The following ANOS1 variants were observed in gnomAD, a reference collection of about 807,000 sequenced individuals.
ANOS1 encodes the protein anosmin 1.
ANOS1 carries 6 observed loss-of-function variants against 59.0 expected under a neutral mutation model. The observed-to-expected ratio is 0.10, with a 90% CI of 0.06 to 0.20. The LOEUF is 0.20. Among genes scored for constraint, ANOS1 ranks in the 10% least tolerant of loss-of-function variants. The pLI, the probability that ANOS1 is intolerant of heterozygous loss-of-function variation, is 1.00. For missense variants in ANOS1, 433 were observed against 542.3 expected (o/e 0.80, Z 2.00); for synonymous variants, 217 against 223.4 (o/e 0.97, Z 0.25).
At chrX:8,716,505 GTT>G (rs1312168760) in intron 1 of ANOS1, among the ~76,000 whole-genome samples, 5 of 112,197 alleles carry the variant, frequency 4.5e-5, no homozygotes, top group Admixed American at 9.4e-5. Flanking sequence ...CACAGCATCA[GTT>G]TTGATTCCAG....
chrX:8,731,964 C>G lies in ANOS1; in HGVS notation c.73G>C (p.Ala25Pro), dbSNP rs1932984858. 9.0e-7 allele frequency: 1 copy of G among 1,108,716 alleles called. No homozygotes were observed. Among genetic ancestry groups the G allele is most frequent in the Admixed American group, 3.4e-5 (1 of 29,806 alleles). 91.4% of individuals were successfully genotyped at this position (1,108,716 alleles called of 1,213,427 possible). A position where few individuals can be genotyped will look rare whatever the true frequency, so the allele number is the denominator to read the frequency against. The change falls in exon 1 of 14, where the codon GCC becomes CCC. Residue 25 changes from alanine to proline, a missense_variant. Coordinates refer to ENST00000262648, the MANE Select transcript of ANOS1 (RefSeq NM_000216.4). ...WLAASSGCLA[A>P]GPGAAAARRL... Reference sequence around the variant, plus strand: ...CGCGCAGCAGCCGCGCCGGGGCCGGCCGCCAGGCAGCCGCTGGAGGCCGCC... The same window carrying G: ...CGCGCAGCAGCCGCGCCGGGGCCGGGCGCCAGGCAGCCGCTGGAGGCCGCC...
At chrX:8,709,982 G>A (rs771689412) in intron 1 of ANOS1, among the ~76,000 whole-genome samples, 17 of 111,010 alleles carry the variant, frequency 1.5e-4, no homozygotes, top group African/African-American at 4.9e-4. Flanking sequence ...CCAGGCTGGA[G>A]TGCAGCAGTG....
chrX:8,587,708 A>T, intron 5 of ANOS1, 86 bp downstream of exon 5: 1 of 674,957 alleles, frequency 1.5e-6, no homozygotes, highest in Non-Finnish European at 2.3e-6. Flanking sequence ...AGCTATTTTG[A>T]GGCATAGCAA....
At chrX:8,655,321 C>T (rs763351921) in intron 2 of ANOS1, among the ~76,000 whole-genome samples, 1 of 111,347 alleles carries the variant, frequency 9.0e-6, no homozygotes, top group Admixed American at 9.6e-5. Flanking sequence ...GTGCAGTTCA[C>T]AACAGGGTTT....
intron 2 of ANOS1, among the ~76,000 whole-genome samples, chrX:8,652,898 C>T (rs1931872015): frequency 9.1e-6 from 1 of 110,488 alleles, no homozygotes; most frequent in Admixed American, 9.7e-5. Flanking sequence ...CTCTGTCACC[C>T]AGGTTGTAGA....
At chrX:8,577,184 C>G (rs916241911) in intron 6 of ANOS1, among the ~76,000 whole-genome samples, 1 of 112,027 alleles carries the variant, frequency 8.9e-6, no homozygotes. Context: ...CTGTTTATCC[C>G]TAATTTTACA....
chrX:8,627,032 G>T (rs1931408240), intron 2 of ANOS1, among the ~76,000 whole-genome samples: 1 of 111,588 alleles, frequency 9.0e-6, no homozygotes, highest in Admixed American at 9.5e-5. Context: ...TTATTTAAAA[G>T]TATGCTAAGA....
At chrX:8,663,121 T>C (rs1428177672) in intron 2 of ANOS1, among the ~76,000 whole-genome samples, 1 of 111,963 alleles carries the variant, frequency 8.9e-6, no homozygotes, top group African/African-American at 3.2e-5. Flanking sequence ...CCCTCCCTCA[T>C]AGCCCTCTCA....
intron 2 of ANOS1, among the ~76,000 whole-genome samples, chrX:8,644,753 T>G (rs1931724635): frequency 8.9e-6 from 1 of 112,363 alleles, no homozygotes; most frequent in African/African-American, 3.2e-5. Flanking sequence ...AAGCATTTCT[T>G]TCTGCTGACT....
chrX:8,668,141 G>A (rs368820116), intron 2 of ANOS1, among the ~76,000 whole-genome samples: 8 of 107,827 alleles, frequency 7.4e-5, no homozygotes, highest in African/African-American at 2.7e-4. Context: ...CACCCGAGCA[G>A]TATACACTGA....
intron 1 of ANOS1, among the ~76,000 whole-genome samples, chrX:8,724,248 T>C (rs1932895320): frequency 8.9e-6 from 1 of 112,038 alleles, no homozygotes; most frequent in Non-Finnish European, 1.9e-5. Context: ...ACAAAAGTGT[T>C]GAATGGAACC....
At chrX:8,613,784 G>C (rs1029715616) in intron 3 of ANOS1, among the ~76,000 whole-genome samples, 9 of 111,847 alleles carry the variant, frequency 8.0e-5, no homozygotes, top group Non-Finnish European at 1.5e-4. Context: ...GGGACCACAG[G>C]CATGTGCCAC....
intron 2 of ANOS1, among the ~76,000 whole-genome samples, chrX:8,624,311 C>A (rs1216694964): frequency 1.8e-5 from 2 of 111,607 alleles, no homozygotes; most frequent in Admixed American, 9.6e-5. Flanking sequence ...CCACTGCGCC[C>A]AGCCAAGAAA....
chrX:8,587,989 A>T lies in ANOS1; in HGVS notation c.542-11T>A. On this transcript the variant is annotated splice_polypyrimidine_tract_variant and intron_variant, in intron 4 of 13. Transcript: ENST00000262648. The stretch of plus-strand genomic sequence containing the variant: ...GCTTCAGGGGGACACCTGAAACAGG[A>T]CCGTATCAATTAAAACAATCTGCGT... 8.4e-7 allele frequency: 1 copy of T among 1,196,812 alleles called. No individual in the cohort carries two copies. The highest frequency in any genetic ancestry group is 1.1e-6 in the Non-Finnish European group (1 of 883,303).
chrX:8,617,457 T>A (rs2146841794), intron 3 of ANOS1, among the ~76,000 whole-genome samples: 1 of 111,829 alleles, frequency 8.9e-6, no homozygotes, highest in East Asian at 2.8e-4. Flanking sequence ...AGGAGCCCTG[T>A]CTTCCTTCTC....
intron 3 of ANOS1, among the ~76,000 whole-genome samples, chrX:8,603,970 C>T (rs924673845): frequency 9.0e-6 from 1 of 111,667 alleles, no homozygotes; most frequent in Middle Eastern, 4.2e-3. Flanking sequence ...AGTTGGTCAC[C>T]AAGAGATGCT....
At chrX:8,624,695 G>T (rs1931361869) in intron 2 of ANOS1, among the ~76,000 whole-genome samples, 1 of 111,028 alleles carries the variant, frequency 9.0e-6, no homozygotes, top group South Asian at 3.7e-4. Context: ...CATTGTTCAA[G>T]AACGTTTGTA....
At chrX:8,595,663 T>C (rs1270457945) in intron 4 of ANOS1, among the ~76,000 whole-genome samples, 1 of 111,723 alleles carries the variant, frequency 9.0e-6, no homozygotes, top group Non-Finnish European at 1.9e-5. Context: ...AGAAATAATA[T>C]GGATTTGGCA....
At chrX:8,657,443 T>C (rs1182214294) in intron 2 of ANOS1, among the ~76,000 whole-genome samples, 1 of 108,717 alleles carries the variant, frequency 9.2e-6, no homozygotes, top group African/African-American at 3.4e-5. Flanking sequence ...TGAACATACT[T>C]GGCAATTTGG....
Sources: allele counts gnomAD v4.1 joint callset (sites outside exome capture counted in the v4.1 genomes callset), GRCh38; gene constraint gnomAD v4.1.1; transcripts MANE v1.5; gene names NCBI Gene and HGNC (gene_info 2026-07-23, HGNC 2026-07-21).